The following RTN4RL1 variants were observed in gnomAD, a reference collection of about 807,000 sequenced individuals.
RTN4RL1 encodes the protein reticulon-4 receptor-like 1.
RTN4RL1 carries 7 observed loss-of-function variants against 25.6 expected under a neutral mutation model. The observed-to-expected ratio is 0.27, with a 90% confidence interval of 0.16 to 0.51. The LOEUF is 0.51. RTN4RL1 is among the 20% of genes least tolerant of loss of function. RTN4RL1 has a pLI of 0.97. For missense variants in RTN4RL1, 500 were observed against 615.6 expected, an observed-to-expected ratio of 0.81 and a Z score of 1.99; for synonymous variants, 297 against 288.2, an observed-to-expected ratio of 1.03 and a Z score of -0.31.
chr17:2,022,003 T>C (rs955494780), intron 1 of RTN4RL1, among the ~76,000 whole-genome samples: 1 of 151,202 alleles, frequency 6.6e-6, no homozygotes, highest in Non-Finnish European at 1.5e-5. Context: ...GGACCACCAG[T>C]GTATGCCACT....
chr17:1,968,639 C>T (rs1377714519), intron 1 of RTN4RL1, among the ~76,000 whole-genome samples: 2 of 152,116 alleles, frequency 1.3e-5, no homozygotes, highest in Admixed American at 6.5e-5. Context: ...CTCCCATCCC[C>T]GGGCCTGGGG....
At chr17:1,992,918 G>A (rs1253920836) in intron 1 of RTN4RL1, among the ~76,000 whole-genome samples, 6 of 152,110 alleles carry the variant, frequency 3.9e-5, no homozygotes, top group African/African-American at 7.2e-5. Flanking sequence ...GAATGGATGC[G>A]GCCTGAATGA....
intron 1 of RTN4RL1, among the ~76,000 whole-genome samples, chr17:2,011,798 C>T (rs1454707486): frequency 6.6e-6 from 1 of 152,158 alleles, no homozygotes; most frequent in Admixed American, 6.5e-5. Context: ...AATCTCAAGG[C>T]AGCCCCGGGG....
intron 1 of RTN4RL1, chr17:2,002,932 T>A (rs569230742): frequency 1.3e-5 from 2 of 152,448 alleles, no homozygotes; most frequent in African/African-American, 4.8e-5. Flanking sequence ...GAGGCCGGCG[T>A]GTTGCCCCAG....
intron 1 of RTN4RL1, among the ~76,000 whole-genome samples, chr17:1,954,928 G>A (rs908007041): frequency 6.6e-6 from 1 of 152,200 alleles, no homozygotes; most frequent in African/African-American, 2.4e-5. Context: ...TACAGGATAA[G>A]TTGACTACCA....
chr17:1,990,416 C>T (rs997867715), intron 1 of RTN4RL1, among the ~76,000 whole-genome samples: 18 of 151,992 alleles, frequency 1.2e-4, no homozygotes, highest in African/African-American at 4.1e-4. Context: ...TTCTTGTAGG[C>T]CGGGCATGGT....
At chr17:1,987,752 C>G (rs915482525) in intron 1 of RTN4RL1, among the ~76,000 whole-genome samples, 6 of 125,436 alleles carry the variant, frequency 4.8e-5, no homozygotes, top group African/African-American at 1.8e-4. Context: ...CACACACACA[C>G]ACACACACAC....
At chr17:1,952,691 C>T (rs1915709601) in intron 1 of RTN4RL1, among the ~76,000 whole-genome samples, 1 of 151,922 alleles carries the variant, frequency 6.6e-6, no homozygotes, top group African/African-American at 2.4e-5. Context: ...CCCCCCTCCT[C>T]TTGGCAATCA....
intron 1 of RTN4RL1, among the ~76,000 whole-genome samples, chr17:1,979,658 G>C (rs1416053427): frequency 1.3e-5 from 2 of 152,130 alleles, no homozygotes; most frequent in Admixed American, 6.5e-5. Flanking sequence ...CCTATACTAA[G>C]ATCTCTGCCT....
intron 1 of RTN4RL1, among the ~76,000 whole-genome samples, chr17:1,944,189 G>A (rs1033630373): frequency 2.0e-5 from 3 of 151,736 alleles, no homozygotes; most frequent in East Asian, 2.0e-4. Flanking sequence ...TTACAGGCGC[G>A]AGCTACCTCG....
intron 1 of RTN4RL1, among the ~76,000 whole-genome samples, chr17:1,992,851 GCA>G (rs1484901259): frequency 2.0e-5 from 3 of 152,214 alleles, no homozygotes; most frequent in African/African-American, 4.8e-5. Flanking sequence ...GGCTGCCACA[GCA>G]CACAGTCAGC....
At chr17:1,987,380 G>A (rs2066891763) in intron 1 of RTN4RL1, among the ~76,000 whole-genome samples, 1 of 152,134 alleles carries the variant, frequency 6.6e-6, no homozygotes, top group African/African-American at 2.4e-5. Flanking sequence ...TCCTTTTCCG[G>A]GAGGAGGGAC....
intron 1 of RTN4RL1, among the ~76,000 whole-genome samples, chr17:1,977,863 G>A (rs1040909603): frequency 6.6e-6 from 1 of 151,908 alleles, no homozygotes; most frequent in Non-Finnish European, 1.5e-5. Context: ...GTGGGAGCCG[G>A]GGTCGGGGGC....
chr17:1,985,182 A>G (rs1430776438), intron 1 of RTN4RL1, among the ~76,000 whole-genome samples: 1 of 152,132 alleles, frequency 6.6e-6, no homozygotes, highest in Non-Finnish European at 1.5e-5. Flanking sequence ...TGGGGATTGG[A>G]TTTGAACCTG....
At chr17:1,964,015 C>T (rs1285225542) in intron 1 of RTN4RL1, among the ~76,000 whole-genome samples, 1 of 152,146 alleles carries the variant, frequency 6.6e-6, no homozygotes, top group Non-Finnish European at 1.5e-5. Flanking sequence ...CGTGAGCCAC[C>T]GCGCCGGGCC....
chr17:1,971,996 G>T (rs796962948), intron 1 of RTN4RL1, among the ~76,000 whole-genome samples: 4 of 141,352 alleles, frequency 2.8e-5, no homozygotes, highest in African/African-American at 1.1e-4. Flanking sequence ...ACATTAGCCA[G>T]GTGTGGTGGC....
At chr17:1,973,166 C>T (rs1297348510) in intron 1 of RTN4RL1, among the ~76,000 whole-genome samples, 1 of 151,566 alleles carries the variant, frequency 6.6e-6, no homozygotes, top group African/African-American at 2.4e-5. Context: ...AGTTCAAGAC[C>T]GGCCTGGCCA....
intron 1 of RTN4RL1, among the ~76,000 whole-genome samples, chr17:2,000,689 T>G (rs185448695): frequency 8.2e-4 from 125 of 151,704 alleles, no homozygotes; most frequent in African/African-American, 2.9e-3. Flanking sequence ...CTGGCTAATT[T>G]TTGTATTTTT....
intron 1 of RTN4RL1, among the ~76,000 whole-genome samples, chr17:2,009,182 G>A (rs2067024889): frequency 1.3e-5 from 2 of 152,176 alleles, no homozygotes; most frequent in South Asian, 2.1e-4. Flanking sequence ...AGGGTTCGCC[G>A]GGCTTGGTGG....
Sources: gnomAD v4.1 joint callset for allele counts (sites outside exome capture counted in the v4.1 genomes callset) on GRCh38, gnomAD v4.1.1 for gene constraint, MANE v1.5 for transcripts, NCBI Gene and HGNC (gene_info 2026-07-23, HGNC 2026-07-21) for gene names.